SSBP2: variants seen among roughly 807,000 people sequenced by gnomAD.
The protein encoded by SSBP2 is single-stranded DNA-binding protein 2.
SSBP2 carries 17 observed loss-of-function variants against 61.8 expected under a neutral mutation model. The observed-to-expected ratio is 0.28, with a 90% CI of 0.19 to 0.41. The LOEUF (loss-of-function observed/expected upper bound fraction) is 0.41. SSBP2 is among the 10% of genes least tolerant of loss of function. SSBP2 has a pLI of 1.00. For synonymous variants in SSBP2, 139 were observed against 141.3 expected, an observed-to-expected ratio of 0.98 and a Z score of 0.12; for missense variants, 310 against 458.7, an observed-to-expected ratio of 0.68 and a Z score of 2.96.
intron 1 of SSBP2, among the ~76,000 whole-genome samples, chr5:81,697,765 A>T (rs936114889): frequency 6.6e-6 from 1 of 152,220 alleles, no homozygotes; most frequent in Admixed American, 6.5e-5. Context: ...TTCTCCAAAT[A>T]GGCAAGGTAA....
chr5:81,630,550 T>C (rs1265704067), intron 3 of SSBP2, among the ~76,000 whole-genome samples: 1 of 152,172 alleles, frequency 6.6e-6, no homozygotes. Context: ...TGTACCTATA[T>C]ATTTAGCATG....
intron 4 of SSBP2, among the ~76,000 whole-genome samples, chr5:81,557,257 G>A (rs1772679098): frequency 6.6e-6 from 1 of 152,108 alleles, no homozygotes; most frequent in Non-Finnish European, 1.5e-5. Flanking sequence ...TCTACAGGCT[G>A]CTTTTTAGAT....
intron 2 of SSBP2, among the ~76,000 whole-genome samples, chr5:81,647,450 C>A (rs770300173): frequency 3.9e-5 from 6 of 152,040 alleles, no homozygotes; most frequent in Non-Finnish European, 8.8e-5. Flanking sequence ...ATTAATCTAA[C>A]TTATTATTTT....
At chr5:81,713,756 A>G (rs897193962) in intron 1 of SSBP2, among the ~76,000 whole-genome samples, 3 of 152,236 alleles carry the variant, frequency 2.0e-5, no homozygotes, top group Non-Finnish European at 4.4e-5. Flanking sequence ...GGAAAGACAG[A>G]GACCAAAGCA....
At chr5:81,621,968 A>AG (rs1325535320) in intron 3 of SSBP2, among the ~76,000 whole-genome samples, 29 of 73,824 alleles carry the variant, frequency 3.9e-4, no homozygotes, top group African/African-American at 1.5e-3. Context: ...GGGTCGGGGG[A>AG]GGGGGGAGGG....
chr5:81,610,826 T>C (rs957554920), intron 4 of SSBP2, among the ~76,000 whole-genome samples: 3 of 152,096 alleles, frequency 2.0e-5, no homozygotes, highest in Admixed American at 1.3e-4. Context: ...AAACCCCATC[T>C]CTACTACAAA....
chr5:81,656,510 T>G (rs1049007200), intron 1 of SSBP2, among the ~76,000 whole-genome samples: 2 of 152,144 alleles, frequency 1.3e-5, no homozygotes, highest in African/African-American at 4.8e-5. Flanking sequence ...ACAGGTGGTA[T>G]TTGGTTACAT....
chr5:81,503,544 T>C (rs1424496742), intron 5 of SSBP2, among the ~76,000 whole-genome samples: 1 of 152,118 alleles, frequency 6.6e-6, no homozygotes, highest in Non-Finnish European at 1.5e-5. Context: ...GAGTGCAAAT[T>C]AGTGCAATCA....
At chr5:81,528,543 A>G (rs1457947570) in intron 4 of SSBP2, among the ~76,000 whole-genome samples, 1 of 152,064 alleles carries the variant, frequency 6.6e-6, no homozygotes, top group Non-Finnish European at 1.5e-5. Context: ...TAATTTGACT[A>G]CTGTAACATG....
At chr5:81,499,848 A>T (rs1199796662) in intron 5 of SSBP2, among the ~76,000 whole-genome samples, 1 of 152,176 alleles carries the variant, frequency 6.6e-6, no homozygotes, top group Non-Finnish European at 1.5e-5. Flanking sequence ...CTTTCATGTA[A>T]ACTTGCTCCA....
At position 81,751,056 on chromosome 5, in the gene SSBP2, G is replaced by A. The variant is rs1368255997; in HGVS notation, c.-14C>T. On this transcript the variant is annotated 5_prime_UTR_variant, in exon 1 of 17. Coordinates refer to ENST00000320672, the MANE Select transcript of SSBP2 (RefSeq NM_012446.5). ...TTTGCCGTACATGCTTGTGCCGAGA[G>A]CAGCTCCCACTGTCACGCACCTGTC... 6.3e-7 allele frequency: 1 copy of A among 1,585,236 alleles called. No individual in the cohort carries two copies. Among genetic ancestry groups the A allele is most frequent in the Non-Finnish European group, 8.6e-7 (1 of 1,165,794 alleles).
chr5:81,556,136 A>G (rs1772578543), intron 4 of SSBP2, among the ~76,000 whole-genome samples: 1 of 152,124 alleles, frequency 6.6e-6, no homozygotes, highest in African/African-American at 2.4e-5. Context: ...ATTGCATATC[A>G]TAATTACTAT....
intron 1 of SSBP2, among the ~76,000 whole-genome samples, chr5:81,721,891 CAT>C (rs1253220689): frequency 3.3e-5 from 5 of 152,076 alleles, no homozygotes; most frequent in Non-Finnish European, 7.4e-5. Flanking sequence ...ACTCTATGCA[CAT>C]GAGTATCACC....
intron 4 of SSBP2, among the ~76,000 whole-genome samples, chr5:81,523,116 G>A (rs1052715561): frequency 6.6e-5 from 10 of 151,904 alleles, no homozygotes; most frequent in Admixed American, 2.0e-4. Context: ...TACAAAAGGC[G>A]AACTTTTCAT....
chr5:81,560,452 G>GAAGA (rs749480997), intron 4 of SSBP2, among the ~76,000 whole-genome samples: 5 of 152,296 alleles, frequency 3.3e-5, no homozygotes, highest in African/African-American at 4.8e-5. Context: ...ATAATCCTTG[G>GAAGA]AAGAAGCTCA....
intron 4 of SSBP2, among the ~76,000 whole-genome samples, chr5:81,541,449 C>T (rs1314587842): frequency 1.3e-5 from 2 of 148,352 alleles, no homozygotes; most frequent in African/African-American, 5.1e-5. Context: ...CAAAAAAGAG[C>T]CAAAATAGCC....
At position 81,445,162 on chromosome 5, in the gene SSBP2, ATATATATATATATATG is replaced by A. The variant is rs1232892933; in HGVS notation, c.778+1690_778+1705del. 2.1e-3 allele frequency among the ~76,000 whole-genome samples: 205 copies of A among 98,376 alleles called. 23 individuals are homozygous for A. The highest frequency in any genetic ancestry group is 6.6e-3 in the South Asian group (18 of 2,728). The allele number at this position is 98,376 out of a possible 152,430, so 64.5% of individuals were successfully genotyped here. A position where few individuals can be genotyped will look rare whatever the true frequency, so the allele number is the denominator to read the frequency against. On this transcript the variant is annotated intron_variant, in intron 12 of 16. Coordinates refer to ENST00000320672, the MANE Select transcript of SSBP2 (RefSeq NM_012446.5). ...TTTATATATATATATATATATATAT[ATATATATATATATATG>A]TATGTATTTACTGGAAAATGTCTGA...
intron 5 of SSBP2, among the ~76,000 whole-genome samples, chr5:81,502,993 C>A (rs1223081769): frequency 6.6e-6 from 1 of 151,818 alleles, no homozygotes; most frequent in Non-Finnish European, 1.5e-5. Context: ...AACAAACAAC[C>A]CCATTAAAAA....
chr5:81,477,669 AT>A (rs1765685225), intron 6 of SSBP2, among the ~76,000 whole-genome samples: 1 of 139,658 alleles, frequency 7.2e-6, no homozygotes, highest in Admixed American at 7.5e-5. Flanking sequence ...AGGGCTTTTC[AT>A]GTGTTTTTAT....
Sources: gnomAD v4.1 joint callset for allele counts (sites outside exome capture counted in the v4.1 genomes callset) on GRCh38, gnomAD v4.1.1 for gene constraint, MANE v1.5 for transcripts, NCBI Gene and HGNC (gene_info 2026-07-23, HGNC 2026-07-21) for gene names.